The following RGS7 variants were observed in gnomAD, a reference collection of about 807,000 sequenced individuals.
RGS7 encodes the protein regulator of G protein signaling 7, also known as regulator of G-protein signaling 7.
A neutral mutation model predicts 81.1 loss-of-function variants in RGS7; 27 were observed. That is an observed-to-expected ratio of 0.33 (90% CI 0.25 to 0.46). The LOEUF is 0.46. Among genes scored for constraint, RGS7 ranks in the 20% least tolerant of loss-of-function variants. The pLI, the probability that RGS7 is intolerant of heterozygous loss-of-function variation, is 1.00. For missense variants in RGS7, 396 were observed against 607.4 expected (o/e 0.65, Z 3.66); for synonymous variants, 208 against 207.7 (o/e 1.00, Z -0.01).
chr1:241,317,749 T>C (rs189261616), intron 2 of RGS7, among the ~76,000 whole-genome samples: 231 of 152,364 alleles, frequency 1.5e-3, no homozygotes, highest in African/African-American at 5.1e-3. Context: ...TGTATCTTTT[T>C]GGATTATCAA....
chr1:241,266,993 G>A (rs1369547123), intron 2 of RGS7, among the ~76,000 whole-genome samples: 3 of 152,270 alleles, frequency 2.0e-5, no homozygotes, highest in African/African-American at 4.8e-5. Context: ...GGGTCTGCCC[G>A]AGTTAAAACC....
intron 9 of RGS7, among the ~76,000 whole-genome samples, chr1:240,851,947 A>G (rs555457284): frequency 3.5e-4 from 54 of 152,338 alleles, no homozygotes; most frequent in South Asian, 2.9e-3. Context: ...TCCGGTGAAG[A>G]TGGTGTGAAC....
chr1:241,345,065 C>A lies in RGS7; in HGVS notation c.78+10634G>T, dbSNP rs991131256. Among the ~76,000 whole-genome samples, 27 of 152,182 alleles carry A rather than the reference C, an allele frequency of 1.8e-4. No individual in the cohort carries two copies. The East Asian group carries it at 5.2e-3, about 29-fold the overall frequency. On this transcript the variant is annotated intron_variant, in intron 2 of 18. Coordinates refer to ENST00000440928, the MANE Select transcript of RGS7 (RefSeq NM_001364886.1). ...AATGCTATGCAGCCACAACAAAGAA[C>A]AAGATCATGTCTTTTGTGGGAACAT...
chr1:241,024,840 G>T (rs2059710004), intron 3 of RGS7, among the ~76,000 whole-genome samples: 3 of 150,502 alleles, frequency 2.0e-5, no homozygotes, highest in Admixed American at 2.0e-4. Flanking sequence ...TAGAAAAGCA[G>T]ATGTGATTCT....
At chr1:241,235,539 T>A (rs1036895018) in intron 2 of RGS7, among the ~76,000 whole-genome samples, 7 of 152,244 alleles carry the variant, frequency 4.6e-5, no homozygotes, top group African/African-American at 1.7e-4. Context: ...TTGTTCTGTT[T>A]TTCATTCTGA....
chr1:241,274,685 G>A (rs1440160087), intron 2 of RGS7, among the ~76,000 whole-genome samples: 2 of 152,136 alleles, frequency 1.3e-5, no homozygotes, highest in African/African-American at 2.4e-5. Context: ...CACTATTCAC[G>A]ACTTTTCCAG....
Position 241,322,318 on chromosome 1 carries a change from A to C in RGS7, c.78+33381T>G, listed in dbSNP as rs961349661. On this transcript the variant is annotated intron_variant, in intron 2 of 18. Coordinates refer to ENST00000440928, the MANE Select transcript of RGS7 (RefSeq NM_001364886.1). The stretch of plus-strand genomic sequence containing the variant: ...GCTGAATCTTTTTACAAAATGATTC[A>C]GAAGGCATCTCAGGATTATTTCATT... 1.5e-4 allele frequency among the ~76,000 whole-genome samples: 23 copies of C among 152,258 alleles called. 1 individual carries two copies. Among genetic ancestry groups the C allele is most frequent in the Non-Finnish European group, 5.9e-5 (4 of 68,042 alleles).
chr1:240,824,610 G>C (rs1264256887), intron 10 of RGS7, among the ~76,000 whole-genome samples: 1 of 152,238 alleles, frequency 6.6e-6, no homozygotes, highest in Non-Finnish European at 1.5e-5. Flanking sequence ...GCTGATTGCT[G>C]TCAAGGTATT....
chr1:241,296,704 G>A (rs2079446496), intron 2 of RGS7, among the ~76,000 whole-genome samples: 1 of 152,220 alleles, frequency 6.6e-6, no homozygotes, highest in Non-Finnish European at 1.5e-5. Context: ...ATTCTAGTCT[G>A]TGGCCTGCAT....
At chr1:241,228,988 G>C (rs1351876414) in intron 2 of RGS7, among the ~76,000 whole-genome samples, 1 of 151,564 alleles carries the variant, frequency 6.6e-6, no homozygotes, top group Non-Finnish European at 1.5e-5. Flanking sequence ...AGCTGAGTGA[G>C]GGGTAAATAG....
chr1:241,064,919 G>A (rs2061973957), intron 3 of RGS7, among the ~76,000 whole-genome samples: 2 of 151,870 alleles, frequency 1.3e-5, no homozygotes, highest in South Asian at 4.2e-4. Flanking sequence ...TTTCCTGTAT[G>A]ACGTCTTCAA....
rs557905435 is a variant in RGS7 at position 241,301,950 on chromosome 1, T to C, written c.78+53749A>G. 5.9e-5 allele frequency among the ~76,000 whole-genome samples: 9 copies of C among 152,348 alleles called. No homozygotes were observed. In the South Asian group the frequency reaches 1.9e-3, roughly 32 times the overall value. On this transcript the variant is annotated intron_variant, in intron 2 of 18. Coordinates refer to ENST00000440928, the MANE Select transcript of RGS7 (RefSeq NM_001364886.1). ...TATCGAGTAAAGAAGAAAAATACTA[T>C]GACATTCATAGATGTCAAATATGTT...
At chr1:241,330,314 T>A (rs2081896008) in intron 2 of RGS7, among the ~76,000 whole-genome samples, 1 of 152,190 alleles carries the variant, frequency 6.6e-6, no homozygotes. Flanking sequence ...GTGGTAGATG[T>A]CACACATCTG....
intron 2 of RGS7, among the ~76,000 whole-genome samples, chr1:241,265,595 C>G (rs1264231204): frequency 6.6e-6 from 1 of 152,046 alleles, no homozygotes; most frequent in Non-Finnish European, 1.5e-5. Context: ...ATAGGTCAGA[C>G]AAGCAAACTA....
chr1:240,830,013 A>C (rs1202045751), intron 9 of RGS7, among the ~76,000 whole-genome samples: 2 of 152,172 alleles, frequency 1.3e-5, no homozygotes, highest in Admixed American at 1.3e-4. Context: ...AAACTCGAAG[A>C]AGAAGAGGTG....
At chr1:241,255,217 A>G (rs540416082) in intron 2 of RGS7, among the ~76,000 whole-genome samples, 30 of 152,206 alleles carry the variant, frequency 2.0e-4, no homozygotes, top group Non-Finnish European at 4.0e-4. Context: ...GTTCTGAATC[A>G]GCTGAGTCCT....
At chr1:241,257,006 A>ATG (rs536255074) in intron 2 of RGS7, among the ~76,000 whole-genome samples, 5 of 151,494 alleles carry the variant, frequency 3.3e-5, no homozygotes, top group African/African-American at 7.3e-5. Context: ...ATGTGTATAT[A>ATG]TGTGTGTGTG....
At chr1:240,857,973 G>A (rs758369769) in intron 9 of RGS7, among the ~76,000 whole-genome samples, 12 of 152,144 alleles carry the variant, frequency 7.9e-5, no homozygotes, top group Non-Finnish European at 1.6e-4. Context: ...GGACATGTTT[G>A]CTTCCCCTTC....
chr1:240,877,378 T>TTTG (rs1665608684), intron 6 of RGS7, among the ~76,000 whole-genome samples: 1 of 151,086 alleles, frequency 6.6e-6, no homozygotes, highest in African/African-American at 2.4e-5. Context: ...ATACCATTTC[T>TTTG]GTCATTATTT....
Sources: gnomAD v4.1 joint callset for allele counts (sites outside exome capture counted in the v4.1 genomes callset) on GRCh38, gnomAD v4.1.1 for gene constraint, MANE v1.5 for transcripts, NCBI Gene and HGNC (gene_info 2026-07-23, HGNC 2026-07-21) for gene names.